APBB1IP: variants seen among roughly 807,000 people sequenced by gnomAD.
The protein encoded by APBB1IP is amyloid beta A4 precursor protein-binding family B member 1-interacting protein.
APBB1IP carries 27 observed loss-of-function variants against 64.9 expected under a neutral mutation model. The ratio of observed to expected loss-of-function variants is 0.42; its 90% CI spans 0.31 to 0.57. The LOEUF (loss-of-function observed/expected upper bound fraction) is 0.57. Ranked by LOEUF, APBB1IP falls within the 20% of genes least tolerant of loss-of-function variation. The probability of loss-of-function intolerance (pLI) is 0.20; values close to 1 mark genes in which losing one functional copy is unlikely to be tolerated. For synonymous variants in APBB1IP, 392 were observed against 331.0 expected, an observed-to-expected ratio of 1.18 and a Z score of -2.00; for missense variants, 812 against 845.5, an observed-to-expected ratio of 0.96 and a Z score of 0.49.
chr10:26,481,895 C>G (rs903135665), intron 2 of APBB1IP, among the ~76,000 whole-genome samples: 36 of 149,828 alleles, frequency 2.4e-4, no homozygotes, highest in Non-Finnish European at 3.0e-4. Context: ...TAAGACTTTT[C>G]AAAGCACTCT....
At chr10:26,549,782 T>A (rs1836808368) in intron 11 of APBB1IP, among the ~76,000 whole-genome samples, 1 of 152,050 alleles carries the variant, frequency 6.6e-6, no homozygotes, top group Non-Finnish European at 1.5e-5. Context: ...AATATTTGTG[T>A]TTTAGCCTCT....
Position 26,533,293 on chromosome 10 carries a change from T to G in APBB1IP, c.814-146T>G, listed in dbSNP as rs528643590. 6 of 456,312 alleles carry G rather than the reference T, an allele frequency of 1.3e-5. No individual in the cohort carries two copies. The East Asian group carries it at 2.1e-4, about 16-fold the overall frequency. The allele number at this position is 456,312 out of a possible 1,614,324, so 28.3% of individuals were successfully genotyped here. ...ATGTGGTATCAGCATTTGGGAAGGCTCTGATGGTTGACTGATATCATATGC... is the reference window on the plus strand; with the variant it reads ...ATGTGGTATCAGCATTTGGGAAGGCGCTGATGGTTGACTGATATCATATGC... On this transcript the variant is annotated intron_variant, in intron 8 of 14. Transcript: ENST00000376236.
chr10:26,479,697 C>T (rs571807574), intron 2 of APBB1IP, among the ~76,000 whole-genome samples: 14 of 152,294 alleles, frequency 9.2e-5, no homozygotes, highest in African/African-American at 2.9e-4. Flanking sequence ...ATTTTTGCTA[C>T]GCTTTTGGCT....
Position 26,567,149 on chromosome 10 carries a change from G to C in APBB1IP, c.1662G>C (p.Leu554=). ...TGCCCGCCCCACCCGACGACTTCCT[G>C]CCGCCGCCGCCACCGCCGCCGCCCC... ...GGLPAPPDDF[L]PPPPPPPPLD... The change falls in exon 15 of 15, where the codon CTG becomes CTC. Residue 554 remains leucine (L), a synonymous_variant. Coordinates refer to ENST00000376236, the MANE Select transcript of APBB1IP (RefSeq NM_019043.4). 7.1e-7 allele frequency: 1 copy of C among 1,413,634 alleles called. No individual in the cohort carries two copies. The highest frequency in any genetic ancestry group is 9.2e-7 in the Non-Finnish European group (1 of 1,091,998). 87.6% of individuals were successfully genotyped at this position (1,413,634 alleles called of 1,614,324 possible).
At chr10:26,475,225 C>G (rs1187741658) in intron 2 of APBB1IP, among the ~76,000 whole-genome samples, 1 of 151,410 alleles carries the variant, frequency 6.6e-6, no homozygotes, top group Non-Finnish European at 1.5e-5. Flanking sequence ...CAGGTTCAAG[C>G]GATTCTCCTG....
chr10:26,558,544 G>A (rs1836923298), intron 11 of APBB1IP, among the ~76,000 whole-genome samples: 1 of 151,770 alleles, frequency 6.6e-6, no homozygotes, highest in African/African-American at 2.4e-5. Context: ...ACTTTGGGAG[G>A]CTAAGGTGGG....
At chr10:26,469,150 T>G (rs1320486517) in intron 2 of APBB1IP, among the ~76,000 whole-genome samples, 1 of 151,838 alleles carries the variant, frequency 6.6e-6, no homozygotes, top group East Asian at 1.9e-4. Context: ...ACTCTTGAAA[T>G]AAGACTTAGC....
At chr10:26,450,378 A>G (rs1048999425) in intron 2 of APBB1IP, among the ~76,000 whole-genome samples, 16 of 152,014 alleles carry the variant, frequency 1.1e-4, no homozygotes, top group Non-Finnish European at 1.9e-4. Flanking sequence ...GTATTTTGAC[A>G]TTTTGAAAAG....
chr10:26,537,049 G>A (rs902576022), intron 10 of APBB1IP, among the ~76,000 whole-genome samples: 1 of 151,938 alleles, frequency 6.6e-6, no homozygotes, highest in Non-Finnish European at 1.5e-5. Context: ...GGTGATTCAG[G>A]ATTATTGCCT....
intron 6 of APBB1IP, among the ~76,000 whole-genome samples, chr10:26,505,869 T>G (rs1295451162): frequency 6.6e-6 from 1 of 152,154 alleles, no homozygotes; most frequent in Non-Finnish European, 1.5e-5. Context: ...CTCAAAAGTC[T>G]CCGATGTCTG....
chr10:26,511,923 G>C lies in APBB1IP; in HGVS notation c.691+17G>C. On this transcript the variant is annotated intron_variant, in intron 7 of 14. Transcript: ENST00000376236. Reference sequence around the variant, plus strand: ...TACAAATTGGTAAGTCCCATCCCCAGCAATGGGCTGTACTCCAAAAACCTT... The same window carrying C: ...TACAAATTGGTAAGTCCCATCCCCACCAATGGGCTGTACTCCAAAAACCTT... 1 of 1,613,536 alleles carries C rather than the reference G, an allele frequency of 6.2e-7. No individual in the cohort carries two copies. The highest frequency in any genetic ancestry group is 8.5e-7 in the Non-Finnish European group (1 of 1,179,466).
intron 10 of APBB1IP, 93 bp downstream of exon 10, chr10:26,536,310 C>T: frequency 7.4e-7 from 1 of 1,349,668 alleles, no homozygotes; most frequent in Non-Finnish European, 9.9e-7. Flanking sequence ...AATACATTCT[C>T]TGTTGCTGCA....
At chr10:26,459,237 A>G (rs948750653) in intron 2 of APBB1IP, among the ~76,000 whole-genome samples, 16 of 151,348 alleles carry the variant, frequency 1.1e-4, no homozygotes, top group Admixed American at 8.6e-4. Flanking sequence ...ATGATTTCCA[A>G]TTTCATCCAT....
chr10:26,491,966 T>G (rs1757017065), intron 2 of APBB1IP, among the ~76,000 whole-genome samples: 1 of 152,154 alleles, frequency 6.6e-6, no homozygotes, highest in African/African-American at 2.4e-5. Flanking sequence ...TTCACCATAT[T>G]GTTCAAGCTG....
At chr10:26,557,766 C>T (rs546498581) in intron 11 of APBB1IP, among the ~76,000 whole-genome samples, 5 of 152,338 alleles carry the variant, frequency 3.3e-5, no homozygotes, top group South Asian at 2.1e-4. Context: ...CAATCCCACA[C>T]GCTCTTGCTG....
Position 26,567,499 on chromosome 10 carries a change from G to A in APBB1IP, c.*11G>A. 1.3e-6 allele frequency: 2 copies of A among 1,554,900 alleles called. No individual in the cohort carries two copies. The highest frequency in any genetic ancestry group is 8.8e-7 in the Non-Finnish European group (1 of 1,140,744). On this transcript the variant is annotated 3_prime_UTR_variant, in exon 15 of 15. Coordinates refer to ENST00000376236, the MANE Select transcript of APBB1IP (RefSeq NM_019043.4). ...GGCAACGTGTCCTAGGGACGGGCAT[G>A]ATGAGTGTTCCAGAGGGAGAAGCAT... is the stretch of plus-strand genomic sequence containing the variant.
intron 11 of APBB1IP, among the ~76,000 whole-genome samples, chr10:26,542,408 G>T (rs787045): frequency 6.6e-6 from 1 of 152,020 alleles, no homozygotes; most frequent in Non-Finnish European, 1.5e-5. Flanking sequence ...CACCTACCTT[G>T]GCATCCCAAA....
At chr10:26,500,569 C>G (rs1836084120) in intron 4 of APBB1IP, among the ~76,000 whole-genome samples, 1 of 152,184 alleles carries the variant, frequency 6.6e-6, no homozygotes, top group Non-Finnish European at 1.5e-5. Context: ...GTAGAGAACA[C>G]ATTTCCCCCA....
intron 8 of APBB1IP, among the ~76,000 whole-genome samples, chr10:26,519,835 C>G (rs1421217894): frequency 6.6e-6 from 1 of 152,188 alleles, no homozygotes; most frequent in Admixed American, 6.5e-5. Flanking sequence ...TATCTTCTGG[C>G]CAGTGCTCTG....
Sources: gnomAD v4.1 joint callset for allele counts (sites outside exome capture counted in the v4.1 genomes callset) on GRCh38, gnomAD v4.1.1 for gene constraint, MANE v1.5 for transcripts, NCBI Gene and HGNC (gene_info 2026-07-23, HGNC 2026-07-21) for gene names.